BRIP1: variants seen among roughly 807,000 people sequenced by gnomAD.
The protein encoded by BRIP1 is BRCA1 interacting DNA helicase 1.
In BRIP1, 88 loss-of-function variants were observed where a neutral mutation model predicts 119.7. The observed-to-expected ratio is 0.74, with a 90% confidence interval of 0.62 to 0.88. The LOEUF (loss-of-function observed/expected upper bound fraction) is 0.88. BRIP1 is among the 40% of genes least tolerant of loss of function. The probability of loss-of-function intolerance (pLI) is 0.00; values close to 1 mark genes in which losing one functional copy is unlikely to be tolerated. For synonymous variants in BRIP1, 443 were observed against 496.5 expected, an observed-to-expected ratio of 0.89 and a Z score of 1.43; for missense variants, 1,259 against 1,455.4, an observed-to-expected ratio of 0.87 and a Z score of 2.20.
rs2077574934 is a variant in BRIP1 at position 61,778,998 on chromosome 17, T to C, written c.1935+1263A>G. 6.6e-6 allele frequency among the ~76,000 whole-genome samples: 1 copy of C among 152,206 alleles called. No homozygotes were observed. Among genetic ancestry groups the C allele is most frequent in the African/African-American group, 2.4e-5 (1 of 41,452 alleles). ...TAACCACAGCTTAACATCACCTGTG[T>C]GCCTAACCACTTTAAAATATTTCAT... On this transcript the variant is annotated intron_variant, in intron 13 of 19. Coordinates refer to ENST00000259008, the MANE Select transcript of BRIP1 (RefSeq NM_032043.3). The surrounding 1 kb of genome is among the most constrained non-coding windows in gnomAD (Gnocchi z 4.4).
In BRIP1 at chr17:61,759,005, C is replaced by CATTCATAA. The variant is rs2077237704; in HGVS notation, c.2098-14415_2098-14414insTTATGAAT. On this transcript the variant is annotated intron_variant, in intron 14 of 19. Coordinates refer to ENST00000259008, the MANE Select transcript of BRIP1 (RefSeq NM_032043.3). The surrounding 1 kb of genome is among the most constrained non-coding windows in gnomAD (Gnocchi z 4.9). The stretch of plus-strand genomic sequence containing the variant: ...CCTGGGTGACAGAGCAAGACCCTGT[C>CATTCATAA]ATAAATAAATAAATAAATAAATAAA... 3.6e-5 allele frequency among the ~76,000 whole-genome samples: 5 copies of CATTCATAA among 136,996 alleles called. No homozygotes were observed. Among genetic ancestry groups the CATTCATAA allele is most frequent in the Admixed American group, 7.5e-5 (1 of 13,316 alleles). 89.9% of individuals were successfully genotyped at this position (136,996 alleles called of 152,430 possible).
At position 61,717,737 on chromosome 17, in the gene BRIP1, G is replaced by A. The variant is rs2061903023; in HGVS notation, c.2380-1674C>T. On this transcript the variant is annotated intron_variant, in intron 16 of 19. Coordinates refer to ENST00000259008, the MANE Select transcript of BRIP1 (RefSeq NM_032043.3). The surrounding 1 kb of genome is among the most constrained non-coding windows in gnomAD (Gnocchi z 4.1). ...TTCTATCAAACTTGAAAAATTTTCA[G>A]CCATTATTTCTCTAAATATATATAT... is the stretch of plus-strand genomic sequence containing the variant. 6.6e-6 allele frequency among the ~76,000 whole-genome samples: 1 copy of A among 151,888 alleles called. No individual in the cohort carries two copies. The highest frequency in any genetic ancestry group is 2.4e-5 in the African/African-American group (1 of 41,362).
In BRIP1 at chr17:61,693,926, GACATA is replaced by G. The variant is rs1351712208; in HGVS notation, c.2493-419_2493-415del. Among the ~76,000 whole-genome samples, 7 of 151,838 alleles carry G rather than the reference GACATA, an allele frequency of 4.6e-5. No homozygotes were observed. Among genetic ancestry groups the G allele is most frequent in the African/African-American group, 1.5e-4 (6 of 41,354 alleles). On this transcript the variant is annotated intron_variant, in intron 17 of 19. Coordinates refer to ENST00000259008, the MANE Select transcript of BRIP1 (RefSeq NM_032043.3). This position sits in a 1 kb window ranked among gnomAD's most constrained non-coding sequence, Gnocchi z 4.2. ...GTCAAAAATATTCTAAAATTCAATT[GACATA>G]ACATGTAGTTTTTCTTCTTTTGACT...
At chr17:61,763,867 AAAGT>A (rs1311914923) in intron 14 of BRIP1, among the ~76,000 whole-genome samples, 1 of 152,194 alleles carries the variant, frequency 6.6e-6, no homozygotes, top group Admixed American at 6.6e-5. Flanking sequence ...TTAAAGAGAT[AAAGT>A]AAGTACAGCA....
At chr17:61,784,644 T>C (rs887370173) in intron 10 of BRIP1, among the ~76,000 whole-genome samples, 2 of 152,184 alleles carry the variant, frequency 1.3e-5, no homozygotes, top group Non-Finnish European at 2.9e-5. Flanking sequence ...TGGGGGTAGA[T>C]ACCTCATGAA....
rs2077944744 is a variant in BRIP1, at chr17:61,799,068, G to A, written c.1340+32C>T. 1 of 1,577,550 alleles carries A rather than the reference G, an allele frequency of 6.3e-7. No individual in the cohort carries two copies. The highest frequency in any genetic ancestry group is 1.3e-5 in the African/African-American group (1 of 74,110). ...CAAACATATTTTTCATATAAAGGCA[G>A]CACAAATACACTAATAGACAAATCT... is the stretch of plus-strand genomic sequence containing the variant. On this transcript the variant is annotated intron_variant, in intron 9 of 19. Coordinates refer to ENST00000259008, the MANE Select transcript of BRIP1 (RefSeq NM_032043.3). This position sits in a 1 kb window ranked among gnomAD's most constrained non-coding sequence, Gnocchi z 5.1.
At chr17:61,777,371 T>C (rs1004634517) in intron 13 of BRIP1, among the ~76,000 whole-genome samples, 17 of 152,324 alleles carry the variant, frequency 1.1e-4, no homozygotes, top group Admixed American at 1.1e-3. Context: ...CAATCAATTC[T>C]GCAACAGACA....
intron 5 of BRIP1, 21 bp from the exon 6 acceptor site, chr17:61,847,241 T>C: frequency 1.2e-6 from 2 of 1,613,376 alleles, no homozygotes; most frequent in East Asian, 2.2e-5. Flanking sequence ...AGAACCAAAA[T>C]GAAGTTTAAG....
chr17:61,774,620 C>T lies in BRIP1; in HGVS notation c.2097+1781G>A, dbSNP rs1353072221. Among the ~76,000 whole-genome samples, 3 of 151,998 alleles carry T rather than the reference C, an allele frequency of 2.0e-5. No individual in the cohort carries two copies. The highest frequency in any genetic ancestry group is 4.4e-5 in the Non-Finnish European group (3 of 68,002). On this transcript the variant is annotated intron_variant, in intron 14 of 19. Transcript: ENST00000259008. The surrounding 1 kb of genome is among the most constrained non-coding windows in gnomAD (Gnocchi z 5.8). ...GAAACTATGAGATAATAAATGTTTA[C>T]TGTTTTAAGCCACAAAAAAATTAAA...
At position 61,857,550 on chromosome 17, in the gene BRIP1, C is replaced by G. The variant is rs1023351188; in HGVS notation, c.206-319G>C. Among the ~76,000 whole-genome samples, 2 of 152,070 alleles carry G rather than the reference C, an allele frequency of 1.3e-5. No homozygotes were observed. Among genetic ancestry groups the G allele is most frequent in the African/African-American group, 4.8e-5 (2 of 41,400 alleles). On this transcript the variant is annotated intron_variant, in intron 3 of 19. Coordinates refer to ENST00000259008, the MANE Select transcript of BRIP1 (RefSeq NM_032043.3). This position sits in a 1 kb window ranked among gnomAD's most constrained non-coding sequence, Gnocchi z 5.1. ...ACCAGCCTGGCCAATATGGTAAAAC[C>G]CTGTCTCTACTAAAAATACAAAAAT...
chr17:61,696,841 C>T (rs545333832), intron 17 of BRIP1, among the ~76,000 whole-genome samples: 37 of 150,872 alleles, frequency 2.5e-4, no homozygotes, highest in African/African-American at 6.6e-4. Flanking sequence ...AAAAATTAGC[C>T]GGGTGTGGTG....
At position 61,736,081 on chromosome 17, in the gene BRIP1, T is replaced by C. The variant is rs1262128030; in HGVS notation, c.2379+6932A>G. ...TGGCTCACACCTATAATCCCAGCAC[T>C]TTGGGAGGCTGAGGTCTGAGCATCC... On this transcript the variant is annotated intron_variant, in intron 16 of 19. Transcript: ENST00000259008. The surrounding 1 kb of genome is among the most constrained non-coding windows in gnomAD (Gnocchi z 4.4). Among the ~76,000 whole-genome samples the C allele has an allele frequency of 2.0e-5, 3 of 152,084 alleles. No individual in the cohort carries two copies. The highest frequency in any genetic ancestry group is 4.4e-5 in the Non-Finnish European group (3 of 68,018).
chr17:61,702,875 A>G lies in BRIP1; in HGVS notation c.2493-9363T>C, dbSNP rs578046590. Among the ~76,000 whole-genome samples the G allele has an allele frequency of 3.3e-5, 5 of 152,290 alleles. No homozygotes were observed. In the East Asian group the frequency reaches 9.7e-4, roughly 29 times the overall value. ...ACTTCTGCTTTAACTTCTTTCAGAA[A>G]TCAACAAACTGCTTTCCACAGTGGC... On this transcript the variant is annotated intron_variant, in intron 17 of 19. Coordinates refer to ENST00000259008, the MANE Select transcript of BRIP1 (RefSeq NM_032043.3).
Position 61,751,678 on chromosome 17 carries a change from A to G in BRIP1, c.2098-7087T>C, listed in dbSNP as rs1414604767. On this transcript the variant is annotated intron_variant, in intron 14 of 19. Coordinates refer to ENST00000259008, the MANE Select transcript of BRIP1 (RefSeq NM_032043.3). The surrounding 1 kb of genome is among the most constrained non-coding windows in gnomAD (Gnocchi z 6.7). ...TTCATTTATATAAAGTTCAAAAACA[A>G]TATGTTCTTTGAGAAAAATATATAT... Among the ~76,000 whole-genome samples, 1 of 152,212 alleles carries G rather than the reference A, an allele frequency of 6.6e-6. No individual in the cohort carries two copies. The highest frequency in any genetic ancestry group is 1.5e-5 in the Non-Finnish European group (1 of 68,040).
chr17:61,817,852 T>C (rs2078260199), intron 6 of BRIP1, among the ~76,000 whole-genome samples: 1 of 152,206 alleles, frequency 6.6e-6, no homozygotes, highest in Non-Finnish European at 1.5e-5. Flanking sequence ...GTAAAAATTG[T>C]GTGCTCATAG....
At position 61,755,514 on chromosome 17, in the gene BRIP1, A is replaced by C. The variant is rs1191443756; in HGVS notation, c.2098-10923T>G. Among the ~76,000 whole-genome samples the C allele has an allele frequency of 6.6e-6, 1 of 152,166 alleles. No individual in the cohort carries two copies. The highest frequency in any genetic ancestry group is 2.4e-5 in the African/African-American group (1 of 41,436). The stretch of plus-strand genomic sequence containing the variant: ...GTTGAGGCTGCACTGAGCTGTGATC[A>C]TGCCACCGTACTCCAGCCTGGGTGA... On this transcript the variant is annotated intron_variant, in intron 14 of 19. Transcript: ENST00000259008. This position sits in a 1 kb window ranked among gnomAD's most constrained non-coding sequence, Gnocchi z 4.5.
At chr17:61,733,655 G>T (rs1385965539) in intron 16 of BRIP1, among the ~76,000 whole-genome samples, 2 of 151,842 alleles carry the variant, frequency 1.3e-5, no homozygotes, top group Non-Finnish European at 1.5e-5. Context: ...CAAATAGTTT[G>T]GTACATTGAG....
intron 16 of BRIP1, among the ~76,000 whole-genome samples, chr17:61,721,902 G>T (rs1388679407): frequency 6.7e-6 from 1 of 150,050 alleles, no homozygotes; most frequent in African/African-American, 2.5e-5. Flanking sequence ...TTGTTTGTTT[G>T]TTTTTTAGTA....
chr17:61,838,231 G>A (rs2078603522), intron 6 of BRIP1, among the ~76,000 whole-genome samples: 1 of 151,974 alleles, frequency 6.6e-6, no homozygotes, highest in Non-Finnish European at 1.5e-5. Flanking sequence ...AAGCAAGATA[G>A]GAAAAGCGTC....
Sources: allele counts gnomAD v4.1 joint callset (sites outside exome capture counted in the v4.1 genomes callset), GRCh38; gene constraint gnomAD v4.1.1; non-coding constraint Gnocchi (gnomAD v3.1); transcripts MANE v1.5; gene names NCBI Gene and HGNC (gene_info 2026-07-23, HGNC 2026-07-21).